Variants in HEXB observed in about 807,000 individuals in gnomAD.
The protein encoded by HEXB is beta-hexosaminidase subunit beta.
In HEXB, 51 loss-of-function variants were observed where a neutral mutation model predicts 71.2. That is an observed-to-expected ratio of 0.72 (90% confidence interval 0.57 to 0.90). The LOEUF is 0.90. Ranked by LOEUF, HEXB falls within the 40% of genes least tolerant of loss-of-function variation. The pLI, the probability that HEXB is intolerant of heterozygous loss-of-function variation, is 0.00. For missense variants in HEXB, 617 were observed against 677.0 expected (o/e 0.91, Z 0.98); for synonymous variants, 266 against 249.3 (o/e 1.07, Z -0.63).
intron 1 of HEXB, among the ~76,000 whole-genome samples, chr5:74,685,951 G>A (rs1748861415): frequency 1.3e-5 from 2 of 152,028 alleles, no homozygotes. Context: ...GAGGGACCAG[G>A]AATCCCCCAA....
chr5:74,682,065 T>C (rs114159424), upstream of HEXB, among the ~76,000 whole-genome samples: 1,630 of 152,260 alleles, frequency 0.011, 23 homozygotes, highest in African/African-American at 0.037. Flanking sequence ...AACTTAGAAG[T>C]AGATCCTCCG....
intron 1 of HEXB, among the ~76,000 whole-genome samples, chr5:74,653,119 T>C (rs1748151849): frequency 6.6e-6 from 1 of 152,006 alleles, no homozygotes; most frequent in East Asian, 1.9e-4. Context: ...ATAAAAAGAG[T>C]CAGGTGGTTA....
At chr5:74,682,839 C>T (rs762912849), upstream of HEXB, among the ~76,000 whole-genome samples, 1 of 152,116 alleles carries the variant, frequency 6.6e-6, no homozygotes, top group Non-Finnish European at 1.5e-5. Flanking sequence ...TTTCCTCATC[C>T]ATCATGAGTC....
intron 1 of HEXB, among the ~76,000 whole-genome samples, chr5:74,676,860 A>G (rs1748639614): frequency 6.6e-6 from 1 of 152,102 alleles, no homozygotes; most frequent in African/African-American, 2.4e-5. Flanking sequence ...TTGATTGGCT[A>G]TACATTGTTC....
chr5:74,674,911 T>C (rs1748603984), intron 1 of HEXB, among the ~76,000 whole-genome samples: 1 of 152,194 alleles, frequency 6.6e-6, no homozygotes, highest in Non-Finnish European at 1.5e-5. Flanking sequence ...ATTTCCTAAA[T>C]TCCTCTTTTC....
intron 1 of HEXB, among the ~76,000 whole-genome samples, chr5:74,677,228 T>C (rs954601111): frequency 3.3e-5 from 5 of 152,036 alleles, no homozygotes; most frequent in African/African-American, 1.2e-4. Flanking sequence ...AGATAATGAA[T>C]GAAGCAGCTA....
Position 74,697,096 on chromosome 5 carries a change from T to C in HEXB, c.659T>C (p.Leu220Pro), listed in dbSNP as rs1749130818. ...SRHYLPVKIILKTLDAMAFNK... is the reference protein window; with the variant it reads ...SRHYLPVKIIPKTLDAMAFNK... ...CATTATCTGCCAGTTAAGATTATTC[T>C]TAAAACTCTGGTAAGTAATTACTTC... is the stretch of plus-strand genomic sequence containing the variant. The change falls in exon 5 of 14, where the codon CTT (leucine) becomes CCT (proline). Residue 220 changes from leucine to proline, a missense_variant. By Grantham distance (98) the Leu-to-Pro change is moderately conservative (BLOSUM62 -3). Coordinates refer to ENST00000261416, the MANE Select transcript of HEXB (RefSeq NM_000521.4). The C allele has an allele frequency of 1.4e-6, 2 of 1,421,514 alleles. No individual in the cohort carries two copies. The highest frequency in any genetic ancestry group is 2.0e-6 in the Non-Finnish European group (2 of 1,004,958). 88.1% of individuals were successfully genotyped at this position (1,421,514 alleles called of 1,614,324 possible).
Position 74,689,692 on chromosome 5 carries a change from C to T in HEXB, c.445+219C>T, listed in dbSNP as rs1352467666. 11 of 579,738 alleles carry T rather than the reference C, an allele frequency of 1.9e-5. No individual in the cohort carries two copies. The East Asian group carries it at 3.2e-4, about 17-fold the overall frequency. The allele number at this position is 579,738 out of a possible 1,614,324, so 35.9% of individuals were successfully genotyped here. On this transcript the variant is annotated intron_variant, in intron 2 of 13. Transcript: ENST00000261416. ...TAAGTGCAGAAGAAGAAATAAATCA[C>T]TCATAATCCCAGCAGATAGAATTAA...
At chr5:74,706,736 G>A (rs1407008530) in intron 6 of HEXB, among the ~76,000 whole-genome samples, 1 of 152,202 alleles carries the variant, frequency 6.6e-6, no homozygotes, top group Non-Finnish European at 1.5e-5. Flanking sequence ...CGGCAGCGAG[G>A]CTGGGGGAGG....
intron 1 of HEXB, among the ~76,000 whole-genome samples, chr5:74,667,012 G>A (rs1000755131): frequency 6.6e-6 from 1 of 152,012 alleles, no homozygotes; most frequent in Admixed American, 6.6e-5. Flanking sequence ...GAGACAGTAG[G>A]GTCTATAGAT....
At chr5:74,710,036 C>T (rs1749500658) in intron 6 of HEXB, among the ~76,000 whole-genome samples, 1 of 152,060 alleles carries the variant, frequency 6.6e-6, no homozygotes, top group Admixed American at 6.6e-5. Flanking sequence ...CAAAAATCCT[C>T]AATAAAATAC....
chr5:74,683,526 A>T (rs1027252526), upstream of HEXB, among the ~76,000 whole-genome samples: 8 of 151,676 alleles, frequency 5.3e-5, no homozygotes, highest in Non-Finnish European at 1.2e-4. Flanking sequence ...CTGGTCTCGA[A>T]CTCCTGGCCT....
At chr5:74,663,835 G>A (rs992753017) in intron 1 of HEXB, among the ~76,000 whole-genome samples, 4 of 152,176 alleles carry the variant, frequency 2.6e-5, no homozygotes, top group African/African-American at 9.7e-5. Context: ...CTTAAAAATG[G>A]AATATTGGGG....
chr5:74,689,910 G>C (rs1748959444), intron 2 of HEXB: 2 of 188,928 alleles, frequency 1.1e-5, no homozygotes, highest in Admixed American at 1.1e-4. Flanking sequence ...AATTTCACTA[G>C]TTTTCTGTGA....
At chr5:74,718,459 C>T (rs958851607) in intron 10 of HEXB, 96 bp downstream of exon 10, 65 of 939,868 alleles carry the variant, frequency 6.9e-5, no homozygotes, top group Non-Finnish European at 8.5e-5. Context: ...CTAGTATTAC[C>T]TTTCTAGTGT....
intron 6 of HEXB, among the ~76,000 whole-genome samples, chr5:74,710,755 C>A (rs1329322256): frequency 2.0e-5 from 3 of 151,544 alleles, no homozygotes; most frequent in African/African-American, 7.3e-5. Flanking sequence ...TCAAGGAGAA[C>A]TACAAACCAC....
intron 1 of HEXB, 36 bp from the exon 2 acceptor site, chr5:74,689,292 C>T (rs903589746): frequency 6.3e-7 from 1 of 1,581,890 alleles, no homozygotes; most frequent in African/African-American, 1.4e-5. Flanking sequence ...TGGCTAAAAT[C>T]CTTCTAAAAT....
chr5:74,709,582 C>T lies in HEXB; in HGVS notation c.772-3924C>T, dbSNP rs529315711. On this transcript the variant is annotated intron_variant, in intron 6 of 13. Coordinates refer to ENST00000261416, the MANE Select transcript of HEXB (RefSeq NM_000521.4). Reference sequence around the variant, plus strand: ...AAAAAAGAGAGAAGAATCAAATAGACGCAATAAAAAATGATAAAGGGGATA... The same window carrying T: ...AAAAAAGAGAGAAGAATCAAATAGATGCAATAAAAAATGATAAAGGGGATA... Among the ~76,000 whole-genome samples, 153 of 152,066 alleles carry T rather than the reference C, an allele frequency of 1.0e-3. 1 individual carries two copies. Among genetic ancestry groups the T allele is most frequent in the African/African-American group, 3.2e-3 (134 of 41,504 alleles).
Position 74,713,483 on chromosome 5 carries a change from T to G in HEXB, c.772-23T>G, listed in dbSNP as rs373162364. 1.7e-5 allele frequency: 28 copies of G among 1,607,664 alleles called. No individual in the cohort carries two copies. The African/African-American group carries it at 3.7e-4, about 21-fold the overall frequency. ...TCAAATCTACGTTGTACATTTTAAC[T>G]TGAATAAATATGGCTTTTACAGGGA... On this transcript the variant is annotated intron_variant, in intron 6 of 13. Transcript: ENST00000261416.
Sources: gnomAD v4.1 joint callset for allele counts (sites outside exome capture counted in the v4.1 genomes callset) on GRCh38, gnomAD v4.1.1 for gene constraint, MANE v1.5 for transcripts, NCBI Gene and HGNC (gene_info 2026-07-23, HGNC 2026-07-21) for gene names.